The following P3H2 variants were observed in gnomAD, a reference collection of about 807,000 sequenced individuals.
The protein encoded by P3H2 is leprecan-like 1.
P3H2 carries 80 observed loss-of-function variants against 87.0 expected under a neutral mutation model. The ratio of observed to expected loss-of-function variants is 0.92; its 90% confidence interval spans 0.77 to 1.11. The LOEUF is 1.11. Among genes scored for constraint, P3H2 ranks in the 50% least tolerant of loss-of-function variants. The probability of loss-of-function intolerance (pLI) is 0.00; values close to 1 mark genes in which losing one functional copy is unlikely to be tolerated. For missense variants in P3H2, 1,001 were observed against 923.9 expected (o/e 1.08, Z -1.08); for synonymous variants, 367 against 359.3 (o/e 1.02, Z -0.24).
chr3:189,962,185 T>A (rs1213842062), intron 14 of P3H2, among the ~76,000 whole-genome samples: 1 of 125,184 alleles, frequency 8.0e-6, no homozygotes, highest in African/African-American at 3.0e-5. Context: ...TTTTTTTTTT[T>A]AAGACAGAGT....
intron 1 of P3H2, among the ~76,000 whole-genome samples, chr3:190,021,922 T>C (rs1157232644): frequency 7.4e-6 from 1 of 135,222 alleles, no homozygotes; most frequent in African/African-American, 2.6e-5. Context: ...GTAACTGACA[T>C]TACAGGACAG....
chr3:189,968,014 C>T (rs936491899), intron 13 of P3H2, among the ~76,000 whole-genome samples: 8 of 152,144 alleles, frequency 5.3e-5, no homozygotes, highest in African/African-American at 1.9e-4. Flanking sequence ...AATGCCAAAA[C>T]TTTGAAGTTT....
intron 1 of P3H2, among the ~76,000 whole-genome samples, chr3:190,035,012 C>T (rs1725374609): frequency 6.6e-6 from 1 of 151,828 alleles, no homozygotes; most frequent in Non-Finnish European, 1.5e-5. Context: ...CCACACCCGA[C>T]TAATTTTTGT....
At chr3:190,014,029 T>A (rs1010390274) in intron 1 of P3H2, among the ~76,000 whole-genome samples, 1 of 151,998 alleles carries the variant, frequency 6.6e-6, no homozygotes, top group African/African-American at 2.4e-5. Context: ...GAAAAAAAAA[T>A]TTGGTGGCAA....
intron 1 of P3H2, among the ~76,000 whole-genome samples, chr3:189,996,117 C>T (rs984791227): frequency 6.6e-6 from 1 of 152,028 alleles, no homozygotes; most frequent in Non-Finnish European, 1.5e-5. Flanking sequence ...GGTATATATC[C>T]AAAGGAAATG....
chr3:190,092,268 A>G (rs544679770), intron 1 of P3H2, among the ~76,000 whole-genome samples: 7 of 151,896 alleles, frequency 4.6e-5, no homozygotes, highest in Non-Finnish European at 1.0e-4. Flanking sequence ...TAGCAACTCT[A>G]TATTTCTATC....
intron 1 of P3H2, among the ~76,000 whole-genome samples, chr3:190,023,404 T>C (rs1724990847): frequency 6.6e-6 from 1 of 152,166 alleles, no homozygotes; most frequent in Non-Finnish European, 1.5e-5. Flanking sequence ...AGAGTTTACA[T>C]GGCTGCAGAA....
chr3:190,000,779 G>A (rs930709119), intron 1 of P3H2, among the ~76,000 whole-genome samples: 3 of 152,094 alleles, frequency 2.0e-5, no homozygotes, highest in Admixed American at 1.3e-4. Flanking sequence ...AGAGAAGGAC[G>A]GATCATTTGT....
chr3:190,048,102 A>G (rs1725862031), intron 1 of P3H2, among the ~76,000 whole-genome samples: 1 of 152,206 alleles, frequency 6.6e-6, no homozygotes, highest in Non-Finnish European at 1.5e-5. Flanking sequence ...GAGCAGTTTC[A>G]CCAACACAAC....
intron 1 of P3H2, among the ~76,000 whole-genome samples, chr3:190,007,965 C>CACACACATATATATATATATAT: frequency 6.9e-4 from 65 of 94,340 alleles, no homozygotes; most frequent in African/African-American, 2.0e-3. Flanking sequence ...TGTTGACACA[C>CACACACATATATATATATATAT]ATATATATAT....
intron 1 of P3H2, among the ~76,000 whole-genome samples, chr3:190,008,125 A>G (rs952257057): frequency 3.9e-5 from 6 of 151,958 alleles, no homozygotes; most frequent in South Asian, 2.1e-4. Flanking sequence ...CATGAATAAG[A>G]TAAGTATAGA....
intron 1 of P3H2, among the ~76,000 whole-genome samples, chr3:190,051,482 T>C (rs951150677): frequency 1.3e-5 from 2 of 152,224 alleles, no homozygotes; most frequent in African/African-American, 4.8e-5. Flanking sequence ...CCTGGGCATT[T>C]AGTAGCTGTA....
At chr3:189,972,849 G>A in intron 11 of P3H2, 25 bp downstream of exon 11, 1 of 1,613,408 alleles carries the variant, frequency 6.2e-7, no homozygotes, top group South Asian at 1.1e-5. Context: ...GGGTAAAAGG[G>A]AACCATTTCA....
chr3:189,988,968 G>C lies in P3H2; in HGVS notation c.894C>G (p.Leu298=), dbSNP rs1349782149. ...VRELATRPGR[L]SPIENFLPLH... ...GAGGAAGAAAATTCTCGATGGGAGA[G>C]AGGCGGCCAGGGCGGGTGGCAAGTT... Residue 298 remains leucine (L), a synonymous_variant, in exon 4 of 15, where the codon CTC becomes CTG. Transcript: ENST00000319332. 17 of 1,614,112 alleles carry C rather than the reference G, an allele frequency of 1.1e-5. No homozygotes were observed. Among genetic ancestry groups the C allele is most frequent in the East Asian group, 2.2e-5 (1 of 44,886 alleles).
At chr3:189,973,416 A>C (rs976017736) in intron 10 of P3H2, among the ~76,000 whole-genome samples, 1 of 151,786 alleles carries the variant, frequency 6.6e-6, no homozygotes, top group Non-Finnish European at 1.5e-5. Flanking sequence ...GAACGGAGGA[A>C]TGATTAACTA....
In P3H2 at chr3:189,987,545, T is replaced by TGCC; in HGVS notation, c.1077_1079dup (p.Ala360dup). The stretch of plus-strand genomic sequence containing the variant: ...GTCTCACCTCTCTGGCCTCAATGGA[T>TGCC]GCCGGGTCAATGCTATCATCCAGCA... On this transcript the variant is annotated inframe_insertion, in exon 5 of 15. Transcript: ENST00000319332. The TGCC allele has an allele frequency of 6.2e-7, 1 of 1,613,834 alleles. No individual in the cohort carries two copies. Among genetic ancestry groups the TGCC allele is most frequent in the Non-Finnish European group, 8.5e-7 (1 of 1,179,946 alleles).
At chr3:190,081,825 T>C (rs1351562210) in intron 1 of P3H2, among the ~76,000 whole-genome samples, 3 of 152,216 alleles carry the variant, frequency 2.0e-5, no homozygotes, top group Non-Finnish European at 4.4e-5. Flanking sequence ...GCTGGGGCTG[T>C]AGGATGATAC....
chr3:189,995,524 C>A, intron 1 of P3H2, 82 bp from the exon 2 acceptor site: 7 of 1,433,244 alleles, frequency 4.9e-6, no homozygotes, highest in Non-Finnish European at 6.7e-6. Flanking sequence ...AATCCAAAAT[C>A]TCACAGTTTA....
chr3:190,062,362 G>A (rs1023399199), intron 1 of P3H2, among the ~76,000 whole-genome samples: 6 of 151,998 alleles, frequency 3.9e-5, no homozygotes, highest in African/African-American at 1.4e-4. Flanking sequence ...CACAATCCTT[G>A]ATGCAAGCAT....
Sources: allele counts gnomAD v4.1 joint callset (sites outside exome capture counted in the v4.1 genomes callset), GRCh38; gene constraint gnomAD v4.1.1; transcripts MANE v1.5; gene names NCBI Gene and HGNC (gene_info 2026-07-23, HGNC 2026-07-21).